PDZRN4: variants seen among roughly 807,000 people sequenced by gnomAD.
PDZRN4 encodes the protein PDZ domain-containing RING finger protein 4.
In PDZRN4, 70 loss-of-function variants were observed where a neutral mutation model predicts 99.0. The observed-to-expected ratio is 0.71, with a 90% CI of 0.58 to 0.86. PDZRN4 has a LOEUF of 0.86. Among genes scored for constraint, PDZRN4 ranks in the 40% least tolerant of loss-of-function variants. The pLI is 0.00. For missense variants in PDZRN4, 1,474 were observed against 1,331.2 expected (o/e 1.11, Z -1.67); for synonymous variants, 551 against 501.6 (o/e 1.10, Z -1.32).
At chr12:41,323,538 T>C (rs1208209565) in intron 3 of PDZRN4, among the ~76,000 whole-genome samples, 1 of 152,082 alleles carries the variant, frequency 6.6e-6, no homozygotes, top group Non-Finnish European at 1.5e-5. Context: ...GATCTTCTTA[T>C]TGTATTGTTC....
intron 3 of PDZRN4, among the ~76,000 whole-genome samples, chr12:41,243,190 C>A (rs550981855): frequency 6.6e-6 from 1 of 152,248 alleles, no homozygotes; most frequent in Non-Finnish European, 1.5e-5. Flanking sequence ...TTACCATCAG[C>A]AGATTGCATA....
At chr12:41,296,000 C>G (rs79888928) in intron 3 of PDZRN4, among the ~76,000 whole-genome samples, 2,197 of 152,182 alleles carry the variant, frequency 0.014, 22 homozygotes, top group Middle Eastern at 0.034. Flanking sequence ...GGAAAAATTT[C>G]ATCTTGCTTG....
intron 3 of PDZRN4, among the ~76,000 whole-genome samples, chr12:41,197,918 G>GTTTTTTTTTTCTTT (rs1491129322): frequency 8.7e-6 from 1 of 114,576 alleles, no homozygotes; most frequent in Non-Finnish European, 1.7e-5. Flanking sequence ...TGTTTTTTCT[G>GTTTTTTTTTTCTTT]GGTTTTTTTT....
At chr12:41,449,130 C>A (rs1182742643) in intron 3 of PDZRN4, among the ~76,000 whole-genome samples, 3 of 152,108 alleles carry the variant, frequency 2.0e-5, no homozygotes, top group Non-Finnish European at 4.4e-5. Flanking sequence ...TTCTTTCTTT[C>A]CAGAATCCTC....
intron 3 of PDZRN4, among the ~76,000 whole-genome samples, chr12:41,415,106 C>A (rs1479958591): frequency 6.6e-6 from 1 of 152,008 alleles, no homozygotes; most frequent in Non-Finnish European, 1.5e-5. Flanking sequence ...GTAGTATGAT[C>A]CTGTTTGTAT....
intron 3 of PDZRN4, among the ~76,000 whole-genome samples, chr12:41,399,721 A>G (rs1952276192): frequency 6.7e-6 from 1 of 149,798 alleles, no homozygotes; most frequent in Admixed American, 6.6e-5. Context: ...GGGCAACAAG[A>G]GTGAAACTTT....
At chr12:41,294,836 A>C (rs572608475) in intron 3 of PDZRN4, among the ~76,000 whole-genome samples, 3 of 152,184 alleles carry the variant, frequency 2.0e-5, no homozygotes, top group African/African-American at 7.2e-5. Context: ...AGAACAACTC[A>C]GGAGGCTAAA....
intron 2 of PDZRN4, among the ~76,000 whole-genome samples, chr12:41,193,617 C>G (rs949848724): frequency 2.0e-5 from 3 of 152,148 alleles, no homozygotes; most frequent in African/African-American, 7.2e-5. Context: ...ACAACTAGAG[C>G]TATGTTTCTA....
At chr12:41,329,889 C>A (rs1951731907) in intron 3 of PDZRN4, among the ~76,000 whole-genome samples, 1 of 152,052 alleles carries the variant, frequency 6.6e-6, no homozygotes, top group African/African-American at 2.4e-5. Context: ...AGACCTGACA[C>A]CTAAGGATGA....
chr12:41,353,384 G>T (rs1951904998), intron 3 of PDZRN4, among the ~76,000 whole-genome samples: 1 of 151,928 alleles, frequency 6.6e-6, no homozygotes, highest in African/African-American at 2.4e-5. Flanking sequence ...ATGAGCATTG[G>T]TAGGAGTCAG....
chr12:41,446,417 A>T (rs1274670275), intron 3 of PDZRN4, among the ~76,000 whole-genome samples: 1 of 152,046 alleles, frequency 6.6e-6, no homozygotes, highest in South Asian at 2.1e-4. Context: ...AGAATTTCCA[A>T]ACTACTTAGT....
At chr12:41,491,721 TA>T (rs1333038548) in intron 3 of PDZRN4, among the ~76,000 whole-genome samples, 1 of 152,062 alleles carries the variant, frequency 6.6e-6, no homozygotes. Context: ...TTGTCTTTAA[TA>T]GTTTTATTGT....
At chr12:41,487,548 G>A (rs568270861) in intron 3 of PDZRN4, among the ~76,000 whole-genome samples, 4 of 152,246 alleles carry the variant, frequency 2.6e-5, no homozygotes, top group African/African-American at 4.8e-5. Flanking sequence ...ATTAAAAAGT[G>A]TTCAATATTG....
At position 41,357,531 on chromosome 12, in the gene PDZRN4, G is replaced by A. The variant is rs141190473; in HGVS notation, c.844-148925G>A. Among the ~76,000 whole-genome samples, 914 of 152,000 alleles carry A rather than the reference G, an allele frequency of 6.0e-3. 9 individuals carry two copies. Among genetic ancestry groups the A allele is most frequent in the African/African-American group, 0.02 (822 of 41,476 alleles). ...CTAGGCATACAAAGATGAACACAAT[G>A]AGCATGGTCCCTGGCCTCATGATAT... On this transcript the variant is annotated intron_variant, in intron 3 of 9. Coordinates refer to ENST00000402685, the MANE Select transcript of PDZRN4 (RefSeq NM_001164595.2).
intron 3 of PDZRN4, among the ~76,000 whole-genome samples, chr12:41,445,276 T>C (rs1245649612): frequency 6.6e-6 from 1 of 152,118 alleles, no homozygotes; most frequent in Non-Finnish European, 1.5e-5. Context: ...TAGAAAATTA[T>C]TTAATTTCAA....
chr12:41,535,947 C>T (rs957280288), intron 5 of PDZRN4, among the ~76,000 whole-genome samples: 1 of 152,176 alleles, frequency 6.6e-6, no homozygotes, highest in Non-Finnish European at 1.5e-5. Flanking sequence ...TAAGGCAACA[C>T]TTTTCTTTAC....
At chr12:41,458,349 G>T (rs1260083655) in intron 3 of PDZRN4, among the ~76,000 whole-genome samples, 2 of 152,178 alleles carry the variant, frequency 1.3e-5, no homozygotes, top group African/African-American at 4.8e-5. Context: ...TAGAGACAGG[G>T]TTTCACCACA....
At chr12:41,560,640 C>T (rs1277232513) in intron 7 of PDZRN4, among the ~76,000 whole-genome samples, 1 of 152,204 alleles carries the variant, frequency 6.6e-6, no homozygotes, top group Non-Finnish European at 1.5e-5. Context: ...TCCCTTATTG[C>T]TGGGTCCTCC....
intron 5 of PDZRN4, among the ~76,000 whole-genome samples, chr12:41,529,181 G>T (rs140430899): frequency 6.6e-6 from 1 of 151,898 alleles, no homozygotes; most frequent in African/African-American, 2.4e-5. Flanking sequence ...TTCTAGGGCT[G>T]GTATATATTC....
Sources: gnomAD v4.1 joint callset for allele counts (sites outside exome capture counted in the v4.1 genomes callset) on GRCh38, gnomAD v4.1.1 for gene constraint, MANE v1.5 for transcripts, NCBI Gene and HGNC (gene_info 2026-07-23, HGNC 2026-07-21) for gene names.